Variants in GALNTL6 observed in about 807,000 individuals in gnomAD.
GALNTL6 encodes the protein polypeptide N-acetylgalactosaminyltransferase-like 6.
GALNTL6 carries 46 observed loss-of-function variants against 73.7 expected under a neutral mutation model. That is an observed-to-expected ratio of 0.62 (90% CI 0.49 to 0.80). The LOEUF is 0.80. Ranked by LOEUF, GALNTL6 falls within the 30% of genes least tolerant of loss-of-function variation. GALNTL6 has a pLI of 0.00. For missense variants in GALNTL6, 604 were observed against 755.0 expected (o/e 0.80, Z 2.34); for synonymous variants, 259 against 263.7 (o/e 0.98, Z 0.17).
chr4:171,858,859 CA>C (rs2110874986), intron 2 of GALNTL6, among the ~76,000 whole-genome samples: 1 of 152,030 alleles, frequency 6.6e-6, no homozygotes, highest in Non-Finnish European at 1.5e-5. Context: ...TTCTTTTATA[CA>C]ACTATAAAAT....
intron 3 of GALNTL6, among the ~76,000 whole-genome samples, chr4:172,249,793 G>A (rs1737791634): frequency 1.3e-5 from 2 of 152,304 alleles, no homozygotes; most frequent in South Asian, 4.2e-4. Context: ...TTGAGGTTTG[G>A]AAACCTTCAC....
At chr4:171,869,022 G>A (rs963952021) in intron 2 of GALNTL6, among the ~76,000 whole-genome samples, 1 of 152,096 alleles carries the variant, frequency 6.6e-6, no homozygotes, top group Admixed American at 6.6e-5. Context: ...AGAGCATTCC[G>A]CCTCTTCTAG....
chr4:172,052,098 G>A (rs1730890646), intron 2 of GALNTL6, among the ~76,000 whole-genome samples: 1 of 152,088 alleles, frequency 6.6e-6, no homozygotes, highest in Non-Finnish European at 1.5e-5. Flanking sequence ...CTTTACAAGT[G>A]TATTCACCTA....
At position 172,106,681 on chromosome 4, in the gene GALNTL6, T is replaced by C. The variant is rs374308479; in HGVS notation, c.139-122975T>C. ...TTAAATACTAAAATAAATAAGATTCTGTGAAGTATTGGAGCAGTACAGTTA... is the reference window on the plus strand; with the variant it reads ...TTAAATACTAAAATAAATAAGATTCCGTGAAGTATTGGAGCAGTACAGTTA... On this transcript the variant is annotated intron_variant, in intron 2 of 12. Transcript: ENST00000506823. Among the ~76,000 whole-genome samples, 35 of 152,248 alleles carry C rather than the reference T, an allele frequency of 2.3e-4. 1 individual carries two copies. In the South Asian group the frequency reaches 6.6e-3, roughly 29 times the overall value.
intron 5 of GALNTL6, among the ~76,000 whole-genome samples, chr4:172,441,465 A>C (rs1731835613): frequency 6.6e-6 from 1 of 152,160 alleles, no homozygotes; most frequent in African/African-American, 2.4e-5. Flanking sequence ...GCAGTGACCC[A>C]GCTGAGGCCC....
At chr4:172,426,479 T>C (rs920868319) in intron 5 of GALNTL6, among the ~76,000 whole-genome samples, 5 of 152,064 alleles carry the variant, frequency 3.3e-5, no homozygotes, top group Admixed American at 6.6e-5. Context: ...CTAAATAGTA[T>C]CCCCGGCACA....
rs1247055696 is a variant in GALNTL6, at chr4:172,643,271, G to A, written c.554-166090G>A. Among the ~76,000 whole-genome samples the A allele has an allele frequency of 2.6e-5, 4 of 151,966 alleles. No individual in the cohort carries two copies. In the East Asian group the frequency reaches 7.8e-4, roughly 29 times the overall value. On this transcript the variant is annotated intron_variant, in intron 5 of 12. Coordinates refer to ENST00000506823, the MANE Select transcript of GALNTL6 (RefSeq NM_001034845.3). ...TCAAAATGATCACATAAATCAATAA[G>A]CAAATGACTTTGATTACAACTATGA...
intron 7 of GALNTL6, among the ~76,000 whole-genome samples, chr4:172,822,306 C>T (rs904817123): frequency 6.6e-6 from 1 of 152,074 alleles, no homozygotes; most frequent in African/African-American, 2.4e-5. Flanking sequence ...CTTCTTGAAC[C>T]ACTTTTTTTC....
At chr4:172,983,227 G>A (rs184676989) in intron 10 of GALNTL6, among the ~76,000 whole-genome samples, 42 of 152,300 alleles carry the variant, frequency 2.8e-4, no homozygotes, top group Admixed American at 2.1e-3. Flanking sequence ...GCAGCCACCA[G>A]AGGCAAAGAA....
rs200424737 is a variant in GALNTL6, at chr4:172,198,875, A to AT, written c.139-30772dup. 9.0e-3 allele frequency among the ~76,000 whole-genome samples: 1,368 copies of AT among 151,724 alleles called. 23 individuals carry two copies. Among genetic ancestry groups the AT allele is most frequent in the African/African-American group, 0.031 (1,302 of 41,380 alleles). On this transcript the variant is annotated intron_variant, in intron 2 of 12. Coordinates refer to ENST00000506823, the MANE Select transcript of GALNTL6 (RefSeq NM_001034845.3). Reference sequence around the variant, plus strand: ...TGTACTACTATAATTCCCAAAATGTATTTTTTTTTAAATTTTGGCTATTTA... The same window carrying AT: ...TGTACTACTATAATTCCCAAAATGTATTTTTTTTTTAAATTTTGGCTATTTA...
chr4:171,814,746 C>G (rs3796654), intron 2 of GALNTL6, 28 bp downstream of exon 2: 1,455,508 of 1,611,376 alleles, frequency 0.9, 670,169 homozygotes, highest in Non-Finnish European at 0.95. Flanking sequence ...AAAGATCACA[C>G]AAGGATTGGT....
Position 172,700,971 on chromosome 4 carries a change from A to C in GALNTL6, c.554-108390A>C, listed in dbSNP as rs538641901. 2.3e-4 allele frequency among the ~76,000 whole-genome samples: 35 copies of C among 152,268 alleles called. 1 individual carries two copies. The South Asian group carries it at 5.8e-3, about 25-fold the overall frequency. On this transcript the variant is annotated intron_variant, in intron 5 of 12. Coordinates refer to ENST00000506823, the MANE Select transcript of GALNTL6 (RefSeq NM_001034845.3). ...AAGGAAAAAAAAGTGTTACATATGA[A>C]GCTTAAGGAGCCTGAGGCCTCATGG...
chr4:172,171,080 G>A (rs1734805081), intron 2 of GALNTL6, among the ~76,000 whole-genome samples: 1 of 152,124 alleles, frequency 6.6e-6, no homozygotes, highest in African/African-American at 2.4e-5. Flanking sequence ...TGTGGTAAAG[G>A]TGAATTAATT....
intron 5 of GALNTL6, among the ~76,000 whole-genome samples, chr4:172,805,141 G>A (rs923924813): frequency 1.2e-4 from 18 of 152,158 alleles, no homozygotes; most frequent in African/African-American, 4.3e-4. Flanking sequence ...GTCATATGGT[G>A]TGAAATGACT....
In GALNTL6 at chr4:171,989,933, C is replaced by T. The variant is rs534446095; in HGVS notation, c.138+175215C>T. On this transcript the variant is annotated intron_variant, in intron 2 of 12. Coordinates refer to ENST00000506823, the MANE Select transcript of GALNTL6 (RefSeq NM_001034845.3). The stretch of plus-strand genomic sequence containing the variant: ...AAAGAAAAAGGAGCATTAACCTTGA[C>T]TATGCCTTTAGCTCCAGCCACCTTT... Among the ~76,000 whole-genome samples, 5 of 152,286 alleles carry T rather than the reference C, an allele frequency of 3.3e-5. 1 individual carries two copies. In the South Asian group the frequency reaches 1.0e-3, roughly 32 times the overall value.
intron 7 of GALNTL6, among the ~76,000 whole-genome samples, chr4:172,863,189 T>C (rs1744488403): frequency 6.6e-6 from 1 of 151,954 alleles, no homozygotes; most frequent in African/African-American, 2.4e-5. Context: ...GCTAGGGCAG[T>C]GAAAAAGGGA....
At chr4:172,092,861 AT>A (rs200326073) in intron 2 of GALNTL6, among the ~76,000 whole-genome samples, 4,800 of 146,100 alleles carry the variant, frequency 0.033, 255 homozygotes, top group African/African-American at 0.11. Flanking sequence ...GCTAAAGCTA[AT>A]TTTTTTTCTT....
At chr4:172,902,855 C>A (rs192114481) in intron 8 of GALNTL6, among the ~76,000 whole-genome samples, 1 of 152,154 alleles carries the variant, frequency 6.6e-6, no homozygotes, top group Non-Finnish European at 1.5e-5. Context: ...TTGATTACAA[C>A]GTGCCAACCC....
chr4:172,999,721 AT>A (rs1298509504), intron 10 of GALNTL6, among the ~76,000 whole-genome samples: 1 of 151,006 alleles, frequency 6.6e-6, no homozygotes, highest in Non-Finnish European at 1.5e-5. Context: ...AAGAGCTGTA[AT>A]TTTTATTTAA....
Sources: allele counts gnomAD v4.1 joint callset (sites outside exome capture counted in the v4.1 genomes callset), GRCh38; gene constraint gnomAD v4.1.1; transcripts MANE v1.5; gene names NCBI Gene and HGNC (gene_info 2026-07-23, HGNC 2026-07-21).